The following REV3L variants were observed in gnomAD, a reference collection of about 807,000 sequenced individuals.
REV3L encodes DNA polymerase zeta catalytic subunit.
In REV3L, 69 loss-of-function variants were observed where a neutral mutation model predicts 299.4. The observed-to-expected ratio is 0.23, with a 90% confidence interval of 0.19 to 0.28. The LOEUF (loss-of-function observed/expected upper bound fraction) is 0.28. REV3L is among the 10% of genes least tolerant of loss of function. The pLI, the probability that REV3L is intolerant of heterozygous loss-of-function variation, is 1.00. For synonymous variants in REV3L, 1,238 were observed against 1,271.4 expected (o/e 0.97, Z 0.56); for missense variants, 3,128 against 3,693.8 (o/e 0.85, Z 3.97).
At chr6:111,356,957 A>G (rs1442972346) in intron 18 of REV3L, 57 bp downstream of exon 18, 4 of 861,024 alleles carry the variant, frequency 4.6e-6, no homozygotes, top group Non-Finnish European at 5.4e-6. Flanking sequence ...ATTATCTGCA[A>G]TAGCATGAAA....
intron 1 of REV3L, chr6:111,430,501 A>T: frequency 6.5e-7 from 1 of 1,549,952 alleles, no homozygotes; most frequent in Admixed American, 1.7e-5. Flanking sequence ...AAGCGGTTGC[A>T]CTCGGGGATG....
At chr6:111,353,446 CTT>C (rs1347143674) in intron 18 of REV3L, among the ~76,000 whole-genome samples, 5 of 152,254 alleles carry the variant, frequency 3.3e-5, no homozygotes, top group Non-Finnish European at 5.9e-5. Context: ...CAACAGCACA[CTT>C]TTAAATTTTC....
intron 1 of REV3L, among the ~76,000 whole-genome samples, chr6:111,482,319 G>A (rs982328633): frequency 2.6e-5 from 4 of 152,220 alleles, no homozygotes; most frequent in Non-Finnish European, 2.9e-5. Context: ...TTTCCAGAAA[G>A]CGGCACTTGG....
rs1275642364 is a variant in REV3L, at chr6:111,304,643, T to C, written c.9252+2718A>G. On this transcript the variant is annotated intron_variant, in intron 31 of 31. Transcript: ENST00000368802. ...TTTTTTTTTTTTCGATCCAAGGGTA[T>C]ACATGTAGGTTTGTTACATGGGTAT... Among the ~76,000 whole-genome samples, 3 of 150,042 alleles carry C rather than the reference T, an allele frequency of 2.0e-5. No homozygotes were observed. The East Asian group carries it at 5.9e-4, about 29-fold the overall frequency.
chr6:111,414,437 G>C (rs58588560), intron 2 of REV3L, among the ~76,000 whole-genome samples: 1 of 152,090 alleles, frequency 6.6e-6, no homozygotes, highest in Non-Finnish European at 1.5e-5. Flanking sequence ...AGGTCACATA[G>C]GTTATGGCTA....
At chr6:111,480,936 G>A (rs1214655762) in intron 1 of REV3L, among the ~76,000 whole-genome samples, 7 of 150,838 alleles carry the variant, frequency 4.6e-5, no homozygotes, top group Non-Finnish European at 8.9e-5. Context: ...AAATATTCAG[G>A]AAAACAACAG....
At chr6:111,417,899 G>C (rs1218969799) in intron 1 of REV3L, among the ~76,000 whole-genome samples, 1 of 152,132 alleles carries the variant, frequency 6.6e-6, no homozygotes, top group Non-Finnish European at 1.5e-5. Flanking sequence ...TTGTGTTGCT[G>C]TTATACAAAT....
intron 4 of REV3L, among the ~76,000 whole-genome samples, chr6:111,394,005 C>T (rs1398377226): frequency 6.6e-6 from 1 of 152,110 alleles, no homozygotes; most frequent in African/African-American, 2.4e-5. Flanking sequence ...TGTATATATA[C>T]CACATTTTCT....
In REV3L at chr6:111,360,518, C is replaced by T. The variant is rs533260560; in HGVS notation, c.6880-1504G>A. The T allele has an allele frequency of 1.2e-3, 174 of 147,350 alleles. 1 individual carries two copies. Among genetic ancestry groups the T allele is most frequent in the African/African-American group, 4.1e-3 (164 of 39,904 alleles). 9.1% of individuals were successfully genotyped at this position (147,350 alleles called of 1,614,324 possible). On this transcript the variant is annotated intron_variant, in intron 16 of 31. Coordinates refer to ENST00000368802, the MANE Select transcript of REV3L (RefSeq NM_001372078.1). ...AGACACAGGGTCTCTCTCTGTTGCC[C>T]AGGCTGGAATGCCATGGTGTGATCA... is the stretch of plus-strand genomic sequence containing the variant.
In REV3L at chr6:111,300,038, C is replaced by T. The variant is rs771655422; in HGVS notation, c.9371G>A (p.Arg3124Gln). 12 of 1,612,834 alleles carry T rather than the reference C, an allele frequency of 7.4e-6. No individual in the cohort carries two copies. The highest frequency in any genetic ancestry group is 1.3e-5 in the African/African-American group (1 of 74,840). The stretch of plus-strand genomic sequence containing the variant: ...AATTTAAAACTGGTCTAATAACTGC[C>T]GGAGATATGGTGCCTTGGACAATTC... ...NRELSKAPYL[R>Q]QLLDQF The change falls in exon 32 of 32, where the codon CGG (arginine) becomes CAG (glutamine). Residue 3124 changes from arginine to glutamine, a missense_variant. This residue lies in a region of REV3L where 294 missense variants were observed against 377.0 expected (regional missense o/e 0.78). Transcript: ENST00000368802.
intron 31 of REV3L, among the ~76,000 whole-genome samples, chr6:111,300,389 T>C (rs1269301048): frequency 1.3e-5 from 2 of 152,226 alleles, no homozygotes; most frequent in African/African-American, 4.8e-5. Context: ...AGGATTCATT[T>C]AATTCCTAAG....
intron 18 of REV3L, 109 bp from the exon 19 acceptor site, chr6:111,351,900 T>C: frequency 3.1e-6 from 2 of 650,640 alleles, no homozygotes; most frequent in South Asian, 2.2e-5. Flanking sequence ...CTATGTTCTC[T>C]AACGGTGCCC....
chr6:111,418,783 T>C (rs958084156), intron 1 of REV3L, among the ~76,000 whole-genome samples: 1 of 152,198 alleles, frequency 6.6e-6, no homozygotes, highest in Non-Finnish European at 1.5e-5. Context: ...AACTTTCCCA[T>C]TTCATGGCAA....
chr6:111,483,310 A>C, upstream of REV3L: 1 of 466,024 alleles, frequency 2.1e-6, no homozygotes, highest in Non-Finnish European at 3.8e-6. Flanking sequence ...CGGGAAAAGG[A>C]GCGAGAGGGC....
chr6:111,430,100 A>G (rs1253390664), intron 1 of REV3L, among the ~76,000 whole-genome samples: 1 of 152,136 alleles, frequency 6.6e-6, no homozygotes, highest in African/African-American at 2.4e-5. Flanking sequence ...AAAAGAAGCG[A>G]GATTGAGACG....
intron 31 of REV3L, among the ~76,000 whole-genome samples, chr6:111,302,408 C>T (rs1383481251): frequency 6.6e-6 from 1 of 152,180 alleles, no homozygotes; most frequent in Non-Finnish European, 1.5e-5. Flanking sequence ...TTACTTGACT[C>T]ACTAAATTTA....
intron 20 of REV3L, among the ~76,000 whole-genome samples, chr6:111,348,799 G>A (rs1468681410): frequency 6.6e-6 from 1 of 152,130 alleles, no homozygotes; most frequent in Admixed American, 6.5e-5. Flanking sequence ...ACAGGCATGC[G>A]CCTCCACATC....
At chr6:111,345,893 A>T (rs1776974606) in intron 20 of REV3L, among the ~76,000 whole-genome samples, 1 of 151,752 alleles carries the variant, frequency 6.6e-6, no homozygotes, top group African/African-American at 2.4e-5. Context: ...TCCTAACCCA[A>T]ATCTCAAATG....
intron 21 of REV3L, 59 bp downstream of exon 21, chr6:111,343,866 T>A: frequency 8.4e-7 from 1 of 1,189,494 alleles, no homozygotes; most frequent in Non-Finnish European, 1.2e-6. Flanking sequence ...TTTTATTACA[T>A]ATAAATTACA....
Sources: allele counts gnomAD v4.1 joint callset (sites outside exome capture counted in the v4.1 genomes callset), GRCh38; gene constraint gnomAD v4.1.1; regional missense constraint gnomAD v4.1.1; transcripts MANE v1.5; gene names NCBI Gene and HGNC (gene_info 2026-07-23, HGNC 2026-07-21).